Variants in PCDH15 observed in about 807,000 individuals in gnomAD.
The protein encoded by PCDH15 is protocadherin related 15.
A neutral mutation model predicts 178.5 loss-of-function variants in PCDH15; 129 were observed. That is an observed-to-expected ratio of 0.72 (90% confidence interval 0.63 to 0.84). The LOEUF is 0.84. Among genes scored for constraint, PCDH15 ranks in the 40% least tolerant of loss-of-function variants. The probability of loss-of-function intolerance (pLI) is 0.00; values close to 1 mark genes in which losing one functional copy is unlikely to be tolerated. For missense variants in PCDH15, 2,230 were observed against 2,099.9 expected, an observed-to-expected ratio of 1.06 and a Z score of -1.21; for synonymous variants, 800 against 732.0, an observed-to-expected ratio of 1.09 and a Z score of -1.50.
intron 4 of PCDH15, among the ~76,000 whole-genome samples, chr10:54,371,332 A>G (rs979630607): frequency 6.6e-6 from 1 of 151,878 alleles, no homozygotes; most frequent in Non-Finnish European, 1.5e-5. Flanking sequence ...CTACTGGAAC[A>G]CTAATGCATA....
intron 28 of PCDH15, among the ~76,000 whole-genome samples, chr10:53,848,367 A>G (rs79671066): frequency 0.026 from 4,024 of 152,084 alleles, 126 homozygotes; most frequent in East Asian, 0.15. Context: ...ATAATATATA[A>G]TGATGTCCTT....
chr10:55,256,189 C>G (rs866543823), intron 1 of PCDH15, among the ~76,000 whole-genome samples: 1 of 152,196 alleles, frequency 6.6e-6, no homozygotes, highest in Non-Finnish European at 1.5e-5. Context: ...TTTCCCAGCA[C>G]CATTTATTAA....
intron 25 of PCDH15, among the ~76,000 whole-genome samples, chr10:53,916,534 GA>G (rs895066466): frequency 5.9e-5 from 9 of 151,944 alleles, no homozygotes; most frequent in Admixed American, 3.3e-4. Context: ...GTTTCTGTGA[GA>G]AAAAAAGACA....
chr10:55,250,780 C>A (rs1229476051), intron 1 of PCDH15, among the ~76,000 whole-genome samples: 2 of 151,850 alleles, frequency 1.3e-5, no homozygotes, highest in Non-Finnish European at 2.9e-5. Context: ...CGTGATCCAC[C>A]CGCCTCAGCC....
intron 8 of PCDH15, among the ~76,000 whole-genome samples, chr10:54,297,235 A>G (rs1212772095): frequency 6.6e-6 from 1 of 152,180 alleles, no homozygotes; most frequent in Non-Finnish European, 1.5e-5. Context: ...TCAGGCATCA[A>G]TGGGCTCACC....
chr10:55,153,226 T>C lies in PCDH15; in HGVS notation c.-80+13350A>G, dbSNP rs1330755601. On this transcript the variant is annotated intron_variant, in intron 2 of 5. Coordinates refer to the PCDH15 transcript ENST00000458638. Reference sequence around the variant, plus strand: ...CTAGCCTGGATAAATGGAGTAGGATTGAAGACCTAAACAAAAAGCCATTCT... The same window carrying C: ...CTAGCCTGGATAAATGGAGTAGGATCGAAGACCTAAACAAAAAGCCATTCT... Among the ~76,000 whole-genome samples, 9 of 152,182 alleles carry C rather than the reference T, an allele frequency of 5.9e-5. No homozygotes were observed. The East Asian group carries it at 1.5e-3, about 26-fold the overall frequency.
At chr10:54,132,115 G>A (rs1039140044) in intron 15 of PCDH15, among the ~76,000 whole-genome samples, 5 of 152,066 alleles carry the variant, frequency 3.3e-5, no homozygotes, top group Non-Finnish European at 7.4e-5. Flanking sequence ...TCTGTTCTCT[G>A]AACATTCATA....
rs557289681 is a variant in PCDH15, at chr10:55,118,046, T to A, written c.-80+48530A>T. Among the ~76,000 whole-genome samples the A allele has an allele frequency of 5.2e-4, 79 of 152,202 alleles. 1 individual carries two copies. In the South Asian group the frequency reaches 0.016, roughly 32 times the overall value. Reference sequence around the variant, plus strand: ...AGTTTGATGTCTAAGTGGCTTGCCCTAAAAGAATATGATGGATAGGAAAAC... The same window carrying A: ...AGTTTGATGTCTAAGTGGCTTGCCCAAAAAGAATATGATGGATAGGAAAAC... On this transcript the variant is annotated intron_variant, in intron 2 of 5. Transcript: ENST00000458638.
chr10:53,924,153 G>A (rs956254992), intron 25 of PCDH15, among the ~76,000 whole-genome samples: 1 of 152,182 alleles, frequency 6.6e-6, no homozygotes, highest in Admixed American at 6.5e-5. Flanking sequence ...GCCGGAGCCA[G>A]CTCCCTCTGC....
intron 1 of PCDH15, among the ~76,000 whole-genome samples, chr10:54,781,214 G>A (rs553110312): frequency 3.3e-5 from 5 of 151,962 alleles, no homozygotes; most frequent in Admixed American, 1.3e-4. Flanking sequence ...TATGCAGGAC[G>A]TGCAGGTTTG....
At chr10:54,717,714 G>A (rs1293239679) in intron 1 of PCDH15, among the ~76,000 whole-genome samples, 2 of 139,412 alleles carry the variant, frequency 1.4e-5, no homozygotes, top group Admixed American at 1.5e-4. Context: ...GATTCCTCAG[G>A]GATCTAGAAC....
At chr10:54,997,929 T>C (rs1218181970) in intron 2 of PCDH15, among the ~76,000 whole-genome samples, 1 of 152,134 alleles carries the variant, frequency 6.6e-6, no homozygotes, top group Non-Finnish European at 1.5e-5. Flanking sequence ...GGTTATGATA[T>C]GCAGAAATGT....
intron 1 of PCDH15, among the ~76,000 whole-genome samples, chr10:54,751,528 T>C (rs555320580): frequency 2.9e-4 from 44 of 152,246 alleles, no homozygotes; most frequent in African/African-American, 9.4e-4. Context: ...CACAATATAT[T>C]GCACCCAGAA....
chr10:55,284,215 G>A (rs944010973), intron 1 of PCDH15, among the ~76,000 whole-genome samples: 16 of 146,788 alleles, frequency 1.1e-4, no homozygotes, highest in Non-Finnish European at 1.6e-4. Context: ...TGAGGTTAAA[G>A]GTCTTCAGAG....
intron 1 of PCDH15, among the ~76,000 whole-genome samples, chr10:55,272,970 T>C (rs1229329765): frequency 6.6e-6 from 1 of 152,076 alleles, no homozygotes; most frequent in African/African-American, 2.4e-5. Context: ...TGTGTGTCTC[T>C]GTCTCCCCTA....
At chr10:54,206,194 T>C (rs1341099728) in intron 10 of PCDH15, among the ~76,000 whole-genome samples, 1 of 152,152 alleles carries the variant, frequency 6.6e-6, no homozygotes, top group African/African-American at 2.4e-5. Flanking sequence ...GATAAAAATC[T>C]TTCTTTTTGC....
intron 15 of PCDH15, among the ~76,000 whole-genome samples, chr10:54,102,301 G>T (rs2094827588): frequency 6.6e-6 from 1 of 152,234 alleles, no homozygotes. Flanking sequence ...GTGCTGCAGT[G>T]GCTGAGAAGT....
At chr10:54,165,620 A>G (rs2046146319) in intron 13 of PCDH15, among the ~76,000 whole-genome samples, 1 of 152,038 alleles carries the variant, frequency 6.6e-6, no homozygotes, top group Non-Finnish European at 1.5e-5. Flanking sequence ...CCCAACTTAC[A>G]CTCTCAAAAA....
intron 2 of PCDH15, among the ~76,000 whole-genome samples, chr10:55,554,685 G>A (rs1402397765): frequency 1.3e-5 from 2 of 151,936 alleles, no homozygotes; most frequent in African/African-American, 2.4e-5. Flanking sequence ...TGTGGATTTG[G>A]GTATTAGTGC....
Sources: gnomAD v4.1 joint callset for allele counts (sites outside exome capture counted in the v4.1 genomes callset) on GRCh38, gnomAD v4.1.1 for gene constraint, MANE v1.5 for transcripts, NCBI Gene and HGNC (gene_info 2026-07-23, HGNC 2026-07-21) for gene names.